Variants in DSG1 observed in about 807,000 individuals in gnomAD.
DSG1 encodes the protein desmoglein-1.
A neutral mutation model predicts 97.5 loss-of-function variants in DSG1; 39 were observed. The observed-to-expected ratio is 0.40, with a 90% CI of 0.31 to 0.52. The LOEUF (loss-of-function observed/expected upper bound fraction) is 0.52, where lower values mean the gene tolerates loss of function less well. Among genes scored for constraint, DSG1 ranks in the 20% least tolerant of loss-of-function variants. DSG1 has a pLI of 0.53. For synonymous variants in DSG1, 475 were observed against 443.4 expected, an observed-to-expected ratio of 1.07 and a Z score of -0.90; for missense variants, 1,311 against 1,295.4, an observed-to-expected ratio of 1.01 and a Z score of -0.18.
chr18:31,320,142 G>A (rs1379181794), intron 1 of DSG1, among the ~76,000 whole-genome samples: 1 of 151,930 alleles, frequency 6.6e-6, no homozygotes, highest in Non-Finnish European at 1.5e-5. Flanking sequence ...TACCACATGG[G>A]ATAATTTTGG....
rs540497534 is a variant in DSG1 at position 31,340,299 on chromosome 18, G to A, written c.1687+274G>A. On this transcript the variant is annotated intron_variant, in intron 11 of 14. Transcript: ENST00000257192. ...AGGCTCAAATTGCTATTTCAGTGAA[G>A]AAGACAATCAGAAGAGGCTACAGAG... is the stretch of plus-strand genomic sequence containing the variant. 2.0e-5 allele frequency among the ~76,000 whole-genome samples: 3 copies of A among 151,790 alleles called. No homozygotes were observed. In the South Asian group the frequency reaches 6.2e-4, roughly 32 times the overall value.
In DSG1 at chr18:31,334,088, A is replaced by C; in HGVS notation, c.891A>C (p.Glu297Asp). Reference sequence around the variant, plus strand: ...AGATTAGAGTAATTGATTTGGATGAAGAGTTCTCAGCTAACTGGATGGCAG... The same window carrying C: ...AGATTAGAGTAATTGATTTGGATGACGAGTTCTCAGCTAACTGGATGGCAG... The part of the protein sequence containing the change: ...LLEIRVIDLD[E>D]EFSANWMAVI... The change falls in exon 8 of 15, where the codon GAA becomes GAC. Residue 297 changes from glutamate to aspartate, a missense_variant. Transcript: ENST00000257192. 2 of 1,610,720 alleles carry C rather than the reference A, an allele frequency of 1.2e-6. No homozygotes were observed. Among genetic ancestry groups the C allele is most frequent in the Non-Finnish European group, 1.7e-6 (2 of 1,177,122 alleles).
At position 31,346,140 on chromosome 18, in the gene DSG1, T is replaced by C. The variant is rs75393744; in HGVS notation, c.2042T>C (p.Met681Thr). ...EYSGTLRRNSMRECREGGLNM... is the reference protein window; with the variant it reads ...EYSGTLRRNSTRECREGGLNM... Reference sequence around the variant, plus strand: ...TCTGGAACATTAAGAAGAAATTCTATGAGGGAATGTAGAGAAGGAGGTCTG... The same window carrying C: ...TCTGGAACATTAAGAAGAAATTCTACGAGGGAATGTAGAGAAGGAGGTCTG... Residue 681 changes from methionine (M) to threonine (T), a missense_variant, in exon 14 of 15, where the codon ATG becomes ACG. Met to Thr is a moderately conservative substitution (Grantham distance 81). This residue lies in a region of DSG1 where 1,038 missense variants were observed against 964.6 expected (regional missense o/e 1.08). Transcript: ENST00000257192. 6.2e-7 allele frequency: 1 copy of C among 1,613,938 alleles called. No homozygotes were observed. The highest frequency in any genetic ancestry group is 1.3e-5 in the African/African-American group (1 of 75,034).
At chr18:31,351,854 T>A (rs2071899778) in intron 14 of DSG1, among the ~76,000 whole-genome samples, 1 of 152,134 alleles carries the variant, frequency 6.6e-6, no homozygotes, top group African/African-American at 2.4e-5. Context: ...ATTTTGAGCC[T>A]ATGTGTGTCT....
At chr18:31,333,752 T>A in intron 7 of DSG1, 29 bp downstream of exon 7, 2 of 1,610,340 alleles carry the variant, frequency 1.2e-6, no homozygotes, top group Non-Finnish European at 1.7e-6. Flanking sequence ...AATTAATAAA[T>A]CTAAATTCGC....
Position 31,336,040 on chromosome 18 carries a change from C to T in DSG1, c.1006-314C>T, listed in dbSNP as rs7237370. The stretch of plus-strand genomic sequence containing the variant: ...TTGAAGGTAGGATAAATTGTCTTTG[C>T]ACTAAAAAATACATACATTTGACTA... On this transcript the variant is annotated intron_variant, in intron 8 of 14. Transcript: ENST00000257192. 0.41 allele frequency among the ~76,000 whole-genome samples: 62,648 copies of T among 151,486 alleles called. 14,132 individuals carry two copies. The highest frequency in any genetic ancestry group is 0.5 in the Non-Finnish European group (33,588 of 67,728).
In DSG1 at chr18:31,341,681, A is replaced by G. The variant is rs572116858; in HGVS notation, c.1687+1656A>G. Among the ~76,000 whole-genome samples, 12 of 152,294 alleles carry G rather than the reference A, an allele frequency of 7.9e-5. 2 individuals carry two copies. In the South Asian group the frequency reaches 2.5e-3, roughly 32 times the overall value. On this transcript the variant is annotated intron_variant, in intron 11 of 14. Coordinates refer to ENST00000257192, the MANE Select transcript of DSG1 (RefSeq NM_001942.4). ...AAGAGAGAAAGAAAAAAGCATTCTC[A>G]TCAAAATGAACCAAGACAAGATAAA... is the stretch of plus-strand genomic sequence containing the variant.
At chr18:31,325,745 A>G (rs2071681673) in intron 1 of DSG1, among the ~76,000 whole-genome samples, 1 of 152,170 alleles carries the variant, frequency 6.6e-6, no homozygotes, top group African/African-American at 2.4e-5. Context: ...TTTTCTTAGT[A>G]GTAATTTACT....
intron 1 of DSG1, among the ~76,000 whole-genome samples, chr18:31,320,343 A>C (rs1219087524): frequency 1.3e-5 from 2 of 152,216 alleles, no homozygotes; most frequent in African/African-American, 4.8e-5. Flanking sequence ...AAAGTCAATA[A>C]GCGGGAACCT....
chr18:31,318,918 T>C (rs1484631292), intron 1 of DSG1, among the ~76,000 whole-genome samples: 1 of 152,168 alleles, frequency 6.6e-6, no homozygotes. Flanking sequence ...TATGATTTTA[T>C]TTAAAACATT....
At chr18:31,326,280 T>G (rs2071685482) in intron 1 of DSG1, among the ~76,000 whole-genome samples, 1 of 152,062 alleles carries the variant, frequency 6.6e-6, no homozygotes, top group Admixed American at 6.5e-5. Context: ...CAAATAAAGT[T>G]TTCATACTTT....
chr18:31,321,123 C>T (rs975413226), intron 1 of DSG1, among the ~76,000 whole-genome samples: 6 of 123,312 alleles, frequency 4.9e-5, no homozygotes, highest in Admixed American at 4.5e-4. Context: ...AAAAACCCAA[C>T]CCTCTGACAC....
At chr18:31,348,838 TG>T (rs1157921234) in intron 14 of DSG1, among the ~76,000 whole-genome samples, 3,949 of 131,528 alleles carry the variant, frequency 0.03, 93 homozygotes, top group African/African-American at 0.11. Flanking sequence ...TAAATTTGTT[TG>T]AGTTCATTGT....
intron 11 of DSG1, 110 bp downstream of exon 11, chr18:31,340,135 C>A: frequency 4.1e-6 from 5 of 1,227,432 alleles, no homozygotes; most frequent in Non-Finnish European, 5.7e-6. Flanking sequence ...TCATTTTGTG[C>A]AATTATAAAG....
rs756245217 is a variant in DSG1 at position 31,354,765 on chromosome 18, C to A, written c.2569C>A (p.Arg857=). The A allele has an allele frequency of 6.2e-7, 1 of 1,614,042 alleles. No individual in the cohort carries two copies. The highest frequency in any genetic ancestry group is 1.3e-5 in the African/African-American group (1 of 74,926). Residue 857 remains arginine (R), a synonymous_variant, in exon 15 of 15, where the codon CGA becomes AGA. Coordinates refer to ENST00000257192, the MANE Select transcript of DSG1 (RefSeq NM_001942.4). ...LKPSVHVHDN[R]PASNVVVTER... is the part of the protein sequence containing the mutation. The stretch of plus-strand genomic sequence containing the variant: ...GCCCTCTGTGCACGTTCACGATAAC[C>A]GACCAGCATCAAACGTGGTAGTGAC...
chr18:31,331,792 T>G lies in DSG1; in HGVS notation c.609T>G (p.Pro203=). ...CCTTCAAGATTATAAGACAAGAACC[T>G]TCAGATTCACCAATGTTTATTATCA... is the stretch of plus-strand genomic sequence containing the variant. ...KIAFKIIRQE[P]SDSPMFIINR... is the part of the protein sequence containing the mutation. Residue 203 remains proline, a synonymous_variant, in exon 6 of 15, where the codon CCT becomes CCG. Coordinates refer to ENST00000257192, the MANE Select transcript of DSG1 (RefSeq NM_001942.4). 1 of 1,612,850 alleles carries G rather than the reference T, an allele frequency of 6.2e-7. No individual in the cohort carries two copies. Among genetic ancestry groups the G allele is most frequent in the Non-Finnish European group, 8.5e-7 (1 of 1,179,136 alleles).
rs2071979811 is a variant in DSG1, at chr18:31,358,847, T to A, written c.*3501T>A. On this transcript the variant is annotated 3_prime_UTR_variant, in exon 15 of 15. Coordinates refer to ENST00000257192, the MANE Select transcript of DSG1 (RefSeq NM_001942.4). ...GTCCACAGTAGAGTGCTACTCTCCTTGAAATCAAATCTGTCTTCCACTTCC... is the reference window on the plus strand; with the variant it reads ...GTCCACAGTAGAGTGCTACTCTCCTAGAAATCAAATCTGTCTTCCACTTCC... 6.6e-6 allele frequency among the ~76,000 whole-genome samples: 1 copy of A among 152,110 alleles called. No individual in the cohort carries two copies. The highest frequency in any genetic ancestry group is 1.5e-5 in the Non-Finnish European group (1 of 67,980).
At chr18:31,321,608 A>T (rs746503556) in intron 1 of DSG1, among the ~76,000 whole-genome samples, 3 of 152,200 alleles carry the variant, frequency 2.0e-5, no homozygotes, top group African/African-American at 4.8e-5. Flanking sequence ...AACAAGGAGT[A>T]CACATTTATC....
chr18:31,336,642 C>T, intron 9 of DSG1, 29 bp downstream of exon 9: 1 of 1,612,476 alleles, frequency 6.2e-7, no homozygotes, highest in Non-Finnish European at 8.5e-7. Flanking sequence ...ACTAATTTTC[C>T]TTACATATTG....
Sources: gnomAD v4.1 joint callset for allele counts (sites outside exome capture counted in the v4.1 genomes callset) on GRCh38, gnomAD v4.1.1 for gene constraint, gnomAD v4.1.1 regional missense constraint, MANE v1.5 for transcripts, NCBI Gene and HGNC (gene_info 2026-07-23, HGNC 2026-07-21) for gene names.